Variants in DPH6 observed in about 807,000 individuals in gnomAD.
DPH6 encodes diphthamine biosynthesis 6, also known as diphthine--ammonia ligase.
Under a neutral mutation model 38.2 loss-of-function variants are expected in DPH6, and 33 were observed. The observed-to-expected ratio is 0.86, with a 90% CI of 0.65 to 1.15. DPH6 has a LOEUF of 1.15. Ranked by LOEUF, DPH6 falls within the 50% of genes most tolerant of loss-of-function variation. The probability of loss-of-function intolerance (pLI) is 0.00; values close to 1 mark genes in which losing one functional copy is unlikely to be tolerated. For missense variants in DPH6, 325 were observed against 320.0 expected (o/e 1.02, Z -0.12); for synonymous variants, 108 against 103.0 (o/e 1.05, Z -0.30).
Position 35,266,179 on chromosome 15 carries a change from T to C in DPH6, n.201-45597A>G, listed in dbSNP as rs1384517141. 7.9e-5 allele frequency among the ~76,000 whole-genome samples: 12 copies of C among 152,322 alleles called. No individual in the cohort carries two copies. The East Asian group carries it at 2.3e-3, about 29-fold the overall frequency. Reference sequence around the variant, plus strand: ...TGCTATTCAGTAATGCTTCGTATTGTAACAGCAAACTTACAGGAGTAGCCA... The same window carrying C: ...TGCTATTCAGTAATGCTTCGTATTGCAACAGCAAACTTACAGGAGTAGCCA... On this transcript the variant is annotated intron_variant and non_coding_transcript_variant, in intron 3 of 3. Transcript: ENST00000560386.
Position 35,542,691 on chromosome 15 carries a change from C to T in DPH6, c.24-184G>A, listed in dbSNP as rs189848916. Among the ~76,000 whole-genome samples the T allele has an allele frequency of 8.6e-4, 129 of 150,106 alleles. 2 individuals are homozygous for T. The highest frequency in any genetic ancestry group is 2.3e-3 in the African/African-American group (91 of 40,180). On this transcript the variant is annotated intron_variant, in intron 1 of 8. Coordinates refer to ENST00000256538, the MANE Select transcript of DPH6 (RefSeq NM_080650.4). ...AGCAACCGAATCTGAATGTCTAGGG[C>T]TGCTACTCACAGGAGCTTAAGAAAC...
chr15:35,191,517 T>G, the DPH6 span, among the ~76,000 whole-genome samples: 1 of 152,304 alleles, frequency 6.6e-6, no homozygotes, highest in African/African-American at 2.4e-5. Context: ...TCAGGATGAC[T>G]AAGAGGCAGA....
chr15:35,241,684 ACT>A (rs2051600640), intron 3 of DPH6, among the ~76,000 whole-genome samples: 1 of 139,944 alleles, frequency 7.1e-6, no homozygotes, highest in South Asian at 2.6e-4. Flanking sequence ...AGATACCTCT[ACT>A]CCCTCCTTGT....
At chr15:35,344,030 TA>T (rs1309117564) in intron 3 of DPH6, among the ~76,000 whole-genome samples, 1 of 152,064 alleles carries the variant, frequency 6.6e-6, no homozygotes, top group Non-Finnish European at 1.5e-5. Context: ...TCATGTTTAA[TA>T]ACAGTTATGT....
the DPH6 span, among the ~76,000 whole-genome samples, chr15:35,188,410 C>G: frequency 6.6e-6 from 1 of 152,068 alleles, no homozygotes; most frequent in African/African-American, 2.4e-5. Context: ...CAGGCCACCC[C>G]AAGGGAAGAA....
chr15:35,338,632 C>G (rs2052394641), intron 3 of DPH6, among the ~76,000 whole-genome samples: 1 of 152,084 alleles, frequency 6.6e-6, no homozygotes, highest in Admixed American at 6.6e-5. Context: ...GGCGATTCCT[C>G]AGGGATCTAG....
exon 4 of DPH6, chr15:35,217,421 G>A (rs969900611): frequency 2.0e-5 from 3 of 152,192 alleles, no homozygotes; most frequent in African/African-American, 4.8e-5. Flanking sequence ...GGCGGATCTC[G>A]GCTCATTGCA....
rs1353792195 is a variant in DPH6 at position 35,520,220 on chromosome 15, C to CAA, written c.312+18052_312+18053dup. 1,836 of 441,792 alleles carry CAA rather than the reference C, an allele frequency of 4.2e-3. 1 individual carries two copies. The highest frequency in any genetic ancestry group is 6.4e-3 in the East Asian group (13 of 2,036). The allele number at this position is 441,792 out of a possible 1,614,324, so 27.4% of individuals were successfully genotyped here. On this transcript the variant is annotated intron_variant, in intron 3 of 8. Coordinates refer to ENST00000256538, the MANE Select transcript of DPH6 (RefSeq NM_080650.4). ...CTCTCACGTGAAAGTAAACATGCTA[C>CAA]AAAAAAAAACAAAAAAAAAACAAAA...
downstream of DPH6, among the ~76,000 whole-genome samples, chr15:35,367,803 T>G (rs1311021606): frequency 6.6e-6 from 1 of 151,836 alleles, no homozygotes; most frequent in Non-Finnish European, 1.5e-5. Flanking sequence ...CTAACAATAT[T>G]TTTAAATGTT....
intron 3 of DPH6, among the ~76,000 whole-genome samples, chr15:35,244,610 C>T (rs2051623497): frequency 6.6e-6 from 1 of 152,180 alleles, no homozygotes; most frequent in Non-Finnish European, 1.5e-5. Flanking sequence ...GTAAGGCAAG[C>T]CTATCTTAAG....
intron 6 of DPH6, among the ~76,000 whole-genome samples, chr15:35,394,124 A>C (rs895348411): frequency 1.3e-5 from 2 of 152,068 alleles, no homozygotes; most frequent in African/African-American, 2.4e-5. Context: ...TCACTGTTTT[A>C]TCTAGAATAT....
intron 3 of DPH6, chr15:35,489,553 T>C (rs1364062293): frequency 1.0e-6 from 1 of 983,204 alleles, no homozygotes; most frequent in Non-Finnish European, 1.2e-6. Context: ...GTCTATATCT[T>C]TCTCATGTTT....
intron 3 of DPH6, among the ~76,000 whole-genome samples, chr15:35,319,499 T>C (rs2052221599): frequency 1.3e-5 from 2 of 152,080 alleles, no homozygotes; most frequent in Admixed American, 1.3e-4. Context: ...CCAGCACTTC[T>C]GGAGGCCGAG....
At position 35,454,652 on chromosome 15, in the gene DPH6, A is replaced by T. The variant is rs764455842; in HGVS notation, c.386+95T>A. 4.8e-5 allele frequency: 49 copies of T among 1,031,006 alleles called. 1 individual carries two copies. In the African/African-American group the frequency reaches 7.7e-4, roughly 16 times the overall value. The allele number at this position is 1,031,006 out of a possible 1,614,324, so 63.9% of individuals were successfully genotyped here. A position where few individuals can be genotyped will look rare whatever the true frequency, so the allele number is the denominator to read the frequency against. On this transcript the variant is annotated intron_variant, in intron 4 of 8. Transcript: ENST00000256538. Reference sequence around the variant, plus strand: ...TTCCATGGAGCACGTAGACTACCATACCTATTTATAATTTGAATATGATTA... The same window carrying T: ...TTCCATGGAGCACGTAGACTACCATTCCTATTTATAATTTGAATATGATTA...
intron 3 of DPH6, among the ~76,000 whole-genome samples, chr15:35,273,324 C>T (rs1419946173): frequency 1.3e-5 from 2 of 152,224 alleles, no homozygotes; most frequent in African/African-American, 4.8e-5. Context: ...GAGTCCCTCA[C>T]CCTTTCCCCA....
chr15:35,357,502 G>A (rs1651013550), intron 3 of DPH6, among the ~76,000 whole-genome samples: 1 of 152,182 alleles, frequency 6.6e-6, no homozygotes, highest in Non-Finnish European at 1.5e-5. Context: ...GCATTAAAGA[G>A]GTTCTGTCTT....
chr15:35,506,222 A>G (rs2054692025), intron 3 of DPH6, among the ~76,000 whole-genome samples: 1 of 152,184 alleles, frequency 6.6e-6, no homozygotes, highest in Admixed American at 6.5e-5. Context: ...AATCACCAAA[A>G]TAGATAAACA....
At chr15:35,388,410 A>T (rs2053002984) in intron 6 of DPH6, among the ~76,000 whole-genome samples, 1 of 152,230 alleles carries the variant, frequency 6.6e-6, no homozygotes, top group African/African-American at 2.4e-5. Context: ...TAGTTTCAGA[A>T]GGAATGGTAC....
chr15:35,322,263 C>T (rs916055217), intron 3 of DPH6, among the ~76,000 whole-genome samples: 5 of 152,140 alleles, frequency 3.3e-5, no homozygotes, highest in East Asian at 1.9e-4. Context: ...ACATTTTAGC[C>T]ACACTGAAGC....
Sources: gnomAD v4.1 joint callset for allele counts (sites outside exome capture counted in the v4.1 genomes callset) on GRCh38, gnomAD v4.1.1 for gene constraint, MANE v1.5 for transcripts, NCBI Gene and HGNC (gene_info 2026-07-23, HGNC 2026-07-21) for gene names.